FMNL2: variants seen among roughly 807,000 people sequenced by gnomAD.
FMNL2 encodes the protein formin-like protein 2.
A neutral mutation model predicts 130.2 loss-of-function variants in FMNL2; 51 were observed. The observed-to-expected ratio is 0.39, with a 90% CI of 0.31 to 0.49. The LOEUF is 0.49. FMNL2 is among the 20% of genes least tolerant of loss of function. The pLI is 0.85. For missense variants in FMNL2, 977 were observed against 1,316.2 expected (o/e 0.74, Z 3.99); for synonymous variants, 465 against 467.1 (o/e 1.00, Z 0.06).
At chr2:152,567,387 T>G (rs1365762025) in intron 6 of FMNL2, among the ~76,000 whole-genome samples, 2 of 152,216 alleles carry the variant, frequency 1.3e-5, no homozygotes, top group African/African-American at 4.8e-5. Flanking sequence ...TAGACAGCGT[T>G]TCAATGCCTG....
intron 25 of FMNL2, among the ~76,000 whole-genome samples, chr2:152,641,552 T>C (rs1279629059): frequency 6.6e-6 from 1 of 152,236 alleles, no homozygotes; most frequent in Non-Finnish European, 1.5e-5. Flanking sequence ...TCATGTCTGT[T>C]GCACATGAAT....
intron 1 of FMNL2, among the ~76,000 whole-genome samples, chr2:152,422,327 G>A (rs1260433201): frequency 6.6e-6 from 1 of 152,188 alleles, no homozygotes; most frequent in East Asian, 1.9e-4. Context: ...TGTTCATGAT[G>A]CCCCGTGATC....
chr2:152,491,406 C>G (rs1691182471), intron 1 of FMNL2, among the ~76,000 whole-genome samples: 1 of 152,078 alleles, frequency 6.6e-6, no homozygotes, highest in African/African-American at 2.4e-5. Context: ...TGCCGGCCTG[C>G]CAGGATGCTG....
chr2:152,628,677 C>T, intron 18 of FMNL2, 144 bp downstream of exon 18: 1 of 677,502 alleles, frequency 1.5e-6, no homozygotes, highest in East Asian at 2.7e-5. Context: ...TTTATTTCAA[C>T]CATCTTTTCC....
intron 2 of FMNL2, among the ~76,000 whole-genome samples, chr2:152,536,066 C>A (rs932700264): frequency 1.3e-5 from 2 of 152,194 alleles, no homozygotes; most frequent in African/African-American, 4.8e-5. Flanking sequence ...ATGGTTAGCC[C>A]TGGGAGGGCA....
In FMNL2 at chr2:152,609,410, A is replaced by G. The variant is rs543928269; in HGVS notation, c.951+1997A>G. Among the ~76,000 whole-genome samples, 35 of 152,340 alleles carry G rather than the reference A, an allele frequency of 2.3e-4. No homozygotes were observed. The South Asian group carries it at 6.2e-3, about 27-fold the overall frequency. On this transcript the variant is annotated intron_variant, in intron 10 of 25. Transcript: ENST00000288670. ...TTTGATAAACTGCCTTGGGAATGCA[A>G]TTAGGTTGCACAACCTCTGAAACAA...
chr2:152,378,439 A>G (rs1194640801), intron 1 of FMNL2, among the ~76,000 whole-genome samples: 1 of 152,234 alleles, frequency 6.6e-6, no homozygotes, highest in Non-Finnish European at 1.5e-5. Context: ...ACTTAAATTA[A>G]ATAAATCCGT....
intron 9 of FMNL2, among the ~76,000 whole-genome samples, chr2:152,595,789 A>T (rs997190833): frequency 1.3e-5 from 2 of 152,048 alleles, no homozygotes; most frequent in South Asian, 4.1e-4. Flanking sequence ...TTGAAATCTA[A>T]CATTCACCTG....
At chr2:152,404,814 G>A (rs1304636648) in intron 1 of FMNL2, among the ~76,000 whole-genome samples, 1 of 152,152 alleles carries the variant, frequency 6.6e-6, no homozygotes, top group African/African-American at 2.4e-5. Context: ...AGGAGGATGA[G>A]CTGGTCACAT....
chr2:152,641,098 A>G (rs1275215740), intron 25 of FMNL2, among the ~76,000 whole-genome samples, 184 bp downstream of exon 25: 5 of 152,168 alleles, frequency 3.3e-5, no homozygotes, highest in South Asian at 4.1e-4. Context: ...TACTGCCCCA[A>G]TACTCTGCAT....
At chr2:152,410,677 C>A (rs1286945924) in intron 1 of FMNL2, among the ~76,000 whole-genome samples, 4 of 152,202 alleles carry the variant, frequency 2.6e-5, no homozygotes, top group Non-Finnish European at 5.9e-5. Context: ...CCCCACCCCA[C>A]CAAGGTCTGT....
intron 1 of FMNL2, among the ~76,000 whole-genome samples, chr2:152,480,143 T>C (rs1356230898): frequency 6.6e-6 from 1 of 152,160 alleles, no homozygotes; most frequent in Admixed American, 6.5e-5. Flanking sequence ...GTAGGTGGTG[T>C]AGCAGACCTG....
chr2:152,518,741 C>T (rs1692911180), intron 1 of FMNL2, among the ~76,000 whole-genome samples: 1 of 152,178 alleles, frequency 6.6e-6, no homozygotes, highest in South Asian at 2.1e-4. Flanking sequence ...CTTCATTCAA[C>T]GTGCCATCGA....
At chr2:152,559,915 T>C (rs898925239) in intron 5 of FMNL2, among the ~76,000 whole-genome samples, 1 of 152,244 alleles carries the variant, frequency 6.6e-6, no homozygotes, top group Non-Finnish European at 1.5e-5. Flanking sequence ...CATCTATCTC[T>C]GCTATCTGAT....
chr2:152,640,613 G>C (rs1683000620), intron 24 of FMNL2, among the ~76,000 whole-genome samples, 178 bp from the exon 25 acceptor site: 1 of 152,210 alleles, frequency 6.6e-6, no homozygotes, highest in Admixed American at 6.5e-5. Flanking sequence ...TTCGTCAGTG[G>C]AAGTTTTTGT....
intron 1 of FMNL2, among the ~76,000 whole-genome samples, chr2:152,513,771 G>C (rs1389884462): frequency 6.6e-6 from 1 of 152,146 alleles, no homozygotes; most frequent in Admixed American, 6.5e-5. Flanking sequence ...AGATTAGGGA[G>C]AGCCTAATTT....
intron 2 of FMNL2, among the ~76,000 whole-genome samples, chr2:152,538,131 G>T (rs891110868): frequency 4.6e-5 from 7 of 152,270 alleles, no homozygotes; most frequent in African/African-American, 1.7e-4. Context: ...CTCACTAAAA[G>T]ATATTTGAAG....
Position 152,636,551 on chromosome 2 carries a change from G to C in FMNL2, c.2805G>C (p.Gly935=), listed in dbSNP as rs780494592. Residue 935 remains glycine (G), a synonymous_variant, in exon 22 of 26, where the codon GGG becomes GGC. Coordinates refer to ENST00000288670, the MANE Select transcript of FMNL2 (RefSeq NM_052905.4). ...LLKEFILNNE[G]KLKKLQDDAK... ...AGGAGTTCATCCTCAACAATGAGGG[G>C]AAGCTGAAGAAGCTGCAGGATGATG... 2 of 1,574,296 alleles carry C rather than the reference G, an allele frequency of 1.3e-6. No homozygotes were observed. Among genetic ancestry groups the C allele is most frequent in the Non-Finnish European group, 1.7e-6 (2 of 1,158,958 alleles).
chr2:152,546,483 C>A (rs1028881463), intron 3 of FMNL2, among the ~76,000 whole-genome samples: 7 of 152,080 alleles, frequency 4.6e-5, no homozygotes, highest in African/African-American at 1.7e-4. Flanking sequence ...GCAGTTCAGG[C>A]GCTATCTGCC....
Sources: gnomAD v4.1 joint callset for allele counts (sites outside exome capture counted in the v4.1 genomes callset) on GRCh38, gnomAD v4.1.1 for gene constraint, MANE v1.5 for transcripts, NCBI Gene and HGNC (gene_info 2026-07-23, HGNC 2026-07-21) for gene names.